Variants in ADH1C observed in about 807,000 individuals in gnomAD.
ADH1C encodes the protein alcohol dehydrogenase 1C (class I), gamma polypeptide.
ADH1C carries 26 observed loss-of-function variants against 35.0 expected under a neutral mutation model. The observed-to-expected ratio is 0.74, with a 90% CI of 0.54 to 1.03. The LOEUF (loss-of-function observed/expected upper bound fraction) is 1.03, where lower values mean the gene tolerates loss of function less well. ADH1C is among the 50% of genes least tolerant of loss of function. ADH1C has a pLI of 0.00. For missense variants in ADH1C, 413 were observed against 465.4 expected, an observed-to-expected ratio of 0.89 and a Z score of 1.04; for synonymous variants, 170 against 169.3, an observed-to-expected ratio of 1.00 and a Z score of -0.03.
intron 8 of ADH1C, among the ~76,000 whole-genome samples, chr4:99,338,628 T>A (rs2110652665): frequency 6.7e-6 from 1 of 149,626 alleles, no homozygotes; most frequent in African/African-American, 2.5e-5. Flanking sequence ...GAGCGTTGTT[T>A]GGGAATCACA....
intron 1 of ADH1C, among the ~76,000 whole-genome samples, chr4:99,352,197 TAA>T (rs1029632745): frequency 5.0e-5 from 7 of 140,772 alleles, no homozygotes; most frequent in African/African-American, 1.7e-4. Context: ...ATCCCTCTCA[TAA>T]AAGTTTTGTC....
intron 1 of ADH1C, among the ~76,000 whole-genome samples, chr4:99,349,399 G>A (rs1238105388): frequency 2.6e-5 from 4 of 152,038 alleles, no homozygotes; most frequent in Non-Finnish European, 5.9e-5. Context: ...TTTCTCCAAA[G>A]ATGTTTAATC....
chr4:99,342,490 T>C (rs1324673553), intron 6 of ADH1C, among the ~76,000 whole-genome samples: 4 of 152,202 alleles, frequency 2.6e-5, no homozygotes, highest in African/African-American at 9.6e-5. Context: ...ATTTGTATTA[T>C]TTATATATAT....
chr4:99,340,826 C>T (rs1579528487), intron 6 of ADH1C, 116 bp from the exon 7 acceptor site: 1 of 1,460,270 alleles, frequency 6.8e-7, no homozygotes, highest in Non-Finnish European at 9.3e-7. Flanking sequence ...GGGAAGAGAT[C>T]ATGTCTTTTG....
At chr4:99,342,087 A>G (rs1348656344) in intron 6 of ADH1C, among the ~76,000 whole-genome samples, 1 of 152,194 alleles carries the variant, frequency 6.6e-6, no homozygotes, top group Non-Finnish European at 1.5e-5. Flanking sequence ...GAAGCTAACC[A>G]CATGATGAGT....
chr4:99,338,533 T>C (rs956360496), intron 8 of ADH1C, among the ~76,000 whole-genome samples: 4 of 146,772 alleles, frequency 2.7e-5, no homozygotes, highest in Admixed American at 2.1e-4. Context: ...CTCTCCTTCC[T>C]ACCACCTGAT....
rs1298806221 is a variant in ADH1C, at chr4:99,347,861, A to G, written c.19-15T>C. The G allele has an allele frequency of 6.2e-7, 1 of 1,613,198 alleles. No individual in the cohort carries two copies. The highest frequency in any genetic ancestry group is 2.2e-5 in the East Asian group (1 of 44,876). On this transcript the variant is annotated splice_polypyrimidine_tract_variant and intron_variant, in intron 1 of 8. Transcript: ENST00000515683. Reference sequence around the variant, plus strand: ...CATTTGATTACCTAGAACATCAGACAGAGAGATGGTACCAGTGTTTTCCCA... The same window carrying G: ...CATTTGATTACCTAGAACATCAGACGGAGAGATGGTACCAGTGTTTTCCCA...
Position 99,345,332 on chromosome 4 carries a change from C to T in ADH1C, c.260-66G>A, listed in dbSNP as rs556714464. 369 of 1,422,718 alleles carry T rather than the reference C, an allele frequency of 2.6e-4. 1 individual carries two copies. In the African/African-American group the frequency reaches 4.6e-3, roughly 18 times the overall value. The allele number at this position is 1,422,718 out of a possible 1,614,324, so 88.1% of individuals were successfully genotyped here. On this transcript the variant is annotated intron_variant, in intron 3 of 8. Transcript: ENST00000515683. ...AGGAATTAATAGAGCAAAAACTTAACGCTCACATGTATAGATTAGAATTAT... is the reference window on the plus strand; with the variant it reads ...AGGAATTAATAGAGCAAAAACTTAATGCTCACATGTATAGATTAGAATTAT...
rs556368995 is a variant in ADH1C, at chr4:99,340,763, C to T, written c.829-53G>A. On this transcript the variant is annotated intron_variant, in intron 6 of 8. Transcript: ENST00000515683. ...TTAACGTGGAGTGGCATAGTTCATA[C>T]TCATAATGCACAATATCATGTAATA... 108 of 1,608,020 alleles carry T rather than the reference C, an allele frequency of 6.7e-5. No individual in the cohort carries two copies. In the African/African-American group the frequency reaches 1.3e-3, roughly 19 times the overall value.
chr4:99,338,292 C>T (rs992689383), intron 8 of ADH1C, among the ~76,000 whole-genome samples: 3 of 148,710 alleles, frequency 2.0e-5, no homozygotes, highest in African/African-American at 7.4e-5. Flanking sequence ...ATAGTGTCTT[C>T]TGGTTTTGGT....
At chr4:99,348,849 A>AT (rs1430245484) in intron 1 of ADH1C, among the ~76,000 whole-genome samples, 1 of 152,072 alleles carries the variant, frequency 6.6e-6, no homozygotes, top group Admixed American at 6.6e-5. Flanking sequence ...TCTCATTGTG[A>AT]TTTTGATTTG....
intron 5 of ADH1C, 147 bp downstream of exon 5, chr4:99,344,715 C>T (rs1734488464): frequency 4.1e-6 from 4 of 980,858 alleles, no homozygotes; most frequent in Non-Finnish European, 4.5e-6. Context: ...CTAGCCTGTG[C>T]TCTCAGTTCT....
chr4:99,339,764 G>A (rs754017057), intron 7 of ADH1C, 49 bp from the exon 8 acceptor site: 11 of 1,529,060 alleles, frequency 7.2e-6, no homozygotes, highest in Non-Finnish European at 9.8e-6. Flanking sequence ...GTAAGTAGGA[G>A]AATTGAAGAG....
At chr4:99,341,249 T>C (rs1428507932) in intron 6 of ADH1C, among the ~76,000 whole-genome samples, 1 of 152,198 alleles carries the variant, frequency 6.6e-6, no homozygotes, top group East Asian at 1.9e-4. Context: ...AAATGTATAT[T>C]GGTTTTACAT....
intron 5 of ADH1C, 130 bp from the exon 6 acceptor site, chr4:99,343,185 C>T: frequency 7.4e-7 from 1 of 1,350,046 alleles, no homozygotes; most frequent in South Asian, 1.5e-5. Context: ...GTTATCGAAA[C>T]CTGTTTTGGC....
At position 99,344,986 on chromosome 4, in the gene ADH1C, G is replaced by C; in HGVS notation, c.443C>G (p.Ser148Cys). 2.5e-6 allele frequency: 4 copies of C among 1,614,184 alleles called. No individual in the cohort carries two copies. The highest frequency in any genetic ancestry group is 3.4e-6 in the Non-Finnish European group (4 of 1,180,042). Reference sequence around the variant, plus strand: ...ATTCTCATCCACCACTGTGTACTGGGAGAAGGTGCTGACGCCGACGAAGTG... The same window carrying C: ...ATTCTCATCCACCACTGTGTACTGGCAGAAGGTGCTGACGCCGACGAAGTG... ...IHHFVGVSTF[S>C]QYTVVDENAV... is the part of the protein sequence containing the mutation. The change falls in exon 5 of 9, where the codon TCC becomes TGC. Residue 148 changes from serine to cysteine, a missense_variant. Ser to Cys is a moderately radical substitution (Grantham distance 112). Transcript: ENST00000515683.
chr4:99,343,156 A>C (rs1734456424), intron 5 of ADH1C, 101 bp from the exon 6 acceptor site: 1 of 1,482,824 alleles, frequency 6.7e-7, no homozygotes, highest in Non-Finnish European at 9.1e-7. Context: ...AGAACTACTC[A>C]GACTCTTCTG....
At chr4:99,344,420 T>G (rs1272084235) in intron 5 of ADH1C, among the ~76,000 whole-genome samples, 1 of 152,176 alleles carries the variant, frequency 6.6e-6, no homozygotes, top group East Asian at 1.9e-4. Flanking sequence ...GGTTTTGGAC[T>G]CTACTGTTGA....
At chr4:99,352,237 A>T (rs1341370466) in intron 1 of ADH1C, among the ~76,000 whole-genome samples, 2 of 152,222 alleles carry the variant, frequency 1.3e-5, no homozygotes, top group Non-Finnish European at 2.9e-5. Context: ...AAAAAATATG[A>T]ATACAAATAA....
Sources: allele counts gnomAD v4.1 joint callset (sites outside exome capture counted in the v4.1 genomes callset), GRCh38; gene constraint gnomAD v4.1.1; transcripts MANE v1.5; gene names NCBI Gene and HGNC (gene_info 2026-07-23, HGNC 2026-07-21).